The following BEND6 variants were observed in gnomAD, a reference collection of about 807,000 sequenced individuals.
BEND6 encodes BEN domain containing 6.
Under a neutral mutation model 31.8 loss-of-function variants are expected in BEND6, and 24 were observed. That is an observed-to-expected ratio of 0.75 (90% CI 0.55 to 1.06). The LOEUF is 1.06. Ranked by LOEUF, BEND6 falls within the 50% of genes least tolerant of loss-of-function variation. The pLI, the probability that BEND6 is intolerant of heterozygous loss-of-function variation, is 0.00. For missense variants in BEND6, 294 were observed against 327.4 expected (o/e 0.90, Z 0.79); for synonymous variants, 109 against 114.6 (o/e 0.95, Z 0.31).
intron 3 of BEND6, among the ~76,000 whole-genome samples, chr6:56,993,164 C>T (rs1276433469): frequency 6.6e-6 from 1 of 152,132 alleles, no homozygotes; most frequent in Non-Finnish European, 1.5e-5. Flanking sequence ...AAATTAAAAA[C>T]TACTTGGCTT....
chr6:57,016,955 G>A (rs1473739662), intron 4 of BEND6, among the ~76,000 whole-genome samples: 2 of 151,950 alleles, frequency 1.3e-5, no homozygotes, highest in Non-Finnish European at 2.9e-5. Context: ...TACATGACAA[G>A]AATTTGTATA....
At chr6:56,997,357 C>T (rs1301632482) in intron 3 of BEND6, among the ~76,000 whole-genome samples, 7 of 152,000 alleles carry the variant, frequency 4.6e-5, no homozygotes, top group Non-Finnish European at 1.0e-4. Flanking sequence ...GTTTTGTTTC[C>T]TTTTTGGCAC....
intron 3 of BEND6, among the ~76,000 whole-genome samples, chr6:57,003,850 T>A (rs937510634): frequency 1.3e-5 from 2 of 152,206 alleles, no homozygotes; most frequent in African/African-American, 4.8e-5. Flanking sequence ...GTAGGCATCA[T>A]TCCTGAATAT....
chr6:57,023,094 T>C (rs78076732), intron 6 of BEND6, among the ~76,000 whole-genome samples: 232 of 152,330 alleles, frequency 1.5e-3, no homozygotes, highest in Middle Eastern at 3.4e-3. Flanking sequence ...AATGTGTATT[T>C]TATAACAGTT....
intron 1 of BEND6, among the ~76,000 whole-genome samples, chr6:56,966,675 C>T (rs1825491753): frequency 6.6e-6 from 1 of 152,174 alleles, no homozygotes; most frequent in Admixed American, 6.5e-5. Context: ...GTGCTATTAC[C>T]TCTGTGCTAT....
At chr6:57,015,666 G>A (rs553073854) in intron 4 of BEND6, among the ~76,000 whole-genome samples, 1 of 151,514 alleles carries the variant, frequency 6.6e-6, no homozygotes, top group Non-Finnish European at 1.5e-5. Context: ...TTAACCGGAC[G>A]TGATGACGGG....
At chr6:56,994,311 T>A (rs1393644406) in intron 3 of BEND6, among the ~76,000 whole-genome samples, 1 of 151,672 alleles carries the variant, frequency 6.6e-6, no homozygotes, top group African/African-American at 2.4e-5. Flanking sequence ...TAGAAAAAAT[T>A]AGCCAGGCGT....
intron 1 of BEND6, among the ~76,000 whole-genome samples, chr6:56,963,015 T>A (rs1290106491): frequency 6.6e-6 from 1 of 152,182 alleles, no homozygotes; most frequent in Non-Finnish European, 1.5e-5. Context: ...TATTCCTATT[T>A]TATGGATGGG....
At chr6:56,959,266 C>T (rs1263990668) in intron 1 of BEND6, among the ~76,000 whole-genome samples, 2 of 152,142 alleles carry the variant, frequency 1.3e-5, no homozygotes, top group African/African-American at 4.8e-5. Context: ...GTTTCTTCCC[C>T]ATCTAATCTG....
At chr6:56,956,109 A>G (rs1367354887) in intron 1 of BEND6, among the ~76,000 whole-genome samples, 2 of 152,244 alleles carry the variant, frequency 1.3e-5, no homozygotes, top group African/African-American at 4.8e-5. Flanking sequence ...CCCCAAGGCA[A>G]TGCTGGCTTT....
chr6:57,023,684 C>A (rs1360280531), intron 6 of BEND6, among the ~76,000 whole-genome samples: 1 of 152,178 alleles, frequency 6.6e-6, no homozygotes, highest in Non-Finnish European at 1.5e-5. Context: ...TGACTCACTG[C>A]AGCCTCAACT....
At position 57,015,183 on chromosome 6, in the gene BEND6, G is replaced by C; in HGVS notation, c.349G>C (p.Ala117Pro). Reference protein sequence around the residue: ...QFEELVGMAEALLKGGGTMST... With the variant: ...QFEELVGMAEPLLKGGGTMST... ...TGAAGAATTGGTTGGTATGGCCGAG[G>C]CTCTGCTTAAGGGTGGGGGAACCAT... Residue 117 changes from alanine to proline, a missense_variant, in exon 4 of 7, where the codon GCT becomes CCT. Coordinates refer to ENST00000370746, the MANE Select transcript of BEND6 (RefSeq NM_152731.3). The C allele has an allele frequency of 6.2e-7, 1 of 1,614,166 alleles. No individual in the cohort carries two copies. The highest frequency in any genetic ancestry group is 1.1e-5 in the South Asian group (1 of 91,076).
chr6:56,970,166 T>C (rs931207825), intron 1 of BEND6, among the ~76,000 whole-genome samples: 5 of 152,160 alleles, frequency 3.3e-5, no homozygotes, highest in Non-Finnish European at 7.4e-5. Flanking sequence ...AATTTAAAGC[T>C]CTTGGCTTAT....
intron 1 of BEND6, among the ~76,000 whole-genome samples, chr6:56,980,334 G>A (rs972511546): frequency 6.6e-6 from 1 of 152,092 alleles, no homozygotes; most frequent in African/African-American, 2.4e-5. Context: ...AACTACAAGC[G>A]TGAGCCACCA....
intron 6 of BEND6, among the ~76,000 whole-genome samples, chr6:57,020,532 C>T (rs147436557): frequency 1.7e-4 from 26 of 152,154 alleles, no homozygotes; most frequent in African/African-American, 5.5e-4. Context: ...GCAATCCTCC[C>T]GCCTCAGCCT....
intron 2 of BEND6, among the ~76,000 whole-genome samples, chr6:56,991,318 A>G (rs1346207766): frequency 6.6e-6 from 1 of 151,588 alleles, no homozygotes; most frequent in Non-Finnish European, 1.5e-5. Context: ...GGCTCTAGGG[A>G]TTGAAAACTG....
At position 57,015,203 on chromosome 6, in the gene BEND6, A is replaced by G; in HGVS notation, c.369A>G (p.Gly123=). ...GMAEALLKGG[G]TMSTSASTLW... ...CCGAGGCTCTGCTTAAGGGTGGGGG[A>G]ACCATGTCTACATCTGCATCCACCC... Residue 123 remains glycine, a synonymous_variant, in exon 4 of 7, where the codon GGA becomes GGG. Transcript: ENST00000370746. 1 of 1,614,072 alleles carries G rather than the reference A, an allele frequency of 6.2e-7. No homozygotes were observed. The highest frequency in any genetic ancestry group is 8.5e-7 in the Non-Finnish European group (1 of 1,180,012).
intron 3 of BEND6, among the ~76,000 whole-genome samples, chr6:57,003,518 A>G (rs781058506): frequency 6.7e-6 from 1 of 150,306 alleles, no homozygotes; most frequent in Non-Finnish European, 1.5e-5. Context: ...AACAGCAACA[A>G]CAACAACAAC....
chr6:57,015,023 G>A, intron 3 of BEND6, 110 bp from the exon 4 acceptor site: 1 of 772,998 alleles, frequency 1.3e-6, no homozygotes, highest in Non-Finnish European at 2.0e-6. Flanking sequence ...GATAGCAAAT[G>A]TTAAGTTTGT....
Sources: allele counts gnomAD v4.1 joint callset (sites outside exome capture counted in the v4.1 genomes callset), GRCh38; gene constraint gnomAD v4.1.1; transcripts MANE v1.5; gene names NCBI Gene and HGNC (gene_info 2026-07-23, HGNC 2026-07-21).